Variants in CDH18 observed in about 807,000 individuals in gnomAD.
The protein encoded by CDH18 is cadherin-18.
A neutral mutation model predicts 67.9 loss-of-function variants in CDH18; 31 were observed. The observed-to-expected ratio is 0.46, with a 90% CI of 0.34 to 0.62. The LOEUF is 0.62. Ranked by LOEUF, CDH18 falls within the 20% of genes least tolerant of loss-of-function variation. CDH18 has a pLI of 0.01. For missense variants in CDH18, 890 were observed against 975.5 expected, an observed-to-expected ratio of 0.91 and a Z score of 1.17; for synonymous variants, 362 against 347.2, an observed-to-expected ratio of 1.04 and a Z score of -0.48.
intron 2 of CDH18, among the ~76,000 whole-genome samples, chr5:19,884,957 A>C (rs1222372399): frequency 2.0e-5 from 3 of 152,176 alleles, no homozygotes; most frequent in African/African-American, 7.2e-5. Context: ...TTTTCACACT[A>C]TCAAGACATT....
At chr5:20,172,133 T>G (rs1736766546) in intron 2 of CDH18, among the ~76,000 whole-genome samples, 1 of 141,660 alleles carries the variant, frequency 7.1e-6, no homozygotes, top group Non-Finnish European at 1.5e-5. Flanking sequence ...TCACATGCCT[T>G]TTCAACATAA....
intron 1 of CDH18, among the ~76,000 whole-genome samples, chr5:20,519,042 C>A (rs901994869): frequency 2.0e-5 from 3 of 152,030 alleles, no homozygotes; most frequent in South Asian, 4.1e-4. Flanking sequence ...ATGCTCAATA[C>A]CCCCAGCCTG....
chr5:20,547,390 G>A (rs984625037), intron 1 of CDH18, among the ~76,000 whole-genome samples: 9 of 151,714 alleles, frequency 5.9e-5, no homozygotes, highest in East Asian at 1.9e-4. Flanking sequence ...GTGAAACCCC[G>A]TCTCTACTAA....
rs551026279 is a variant in CDH18 at position 20,178,715 on chromosome 5, C to T, written c.-518+76729G>A. ...CAGACACTAATAATACCTTCCCCTA[C>T]GTTGTAATTTGCAGTTCTCAAAGCA... On this transcript the variant is annotated intron_variant, in intron 2 of 14. Coordinates refer to the CDH18 transcript ENST00000507958. 3.3e-5 allele frequency among the ~76,000 whole-genome samples: 5 copies of T among 151,866 alleles called. No homozygotes were observed. The South Asian group carries it at 6.2e-4, about 19-fold the overall frequency.
chr5:20,089,323 A>G (rs2150556906), intron 2 of CDH18, among the ~76,000 whole-genome samples: 1 of 152,146 alleles, frequency 6.6e-6, no homozygotes, highest in East Asian at 1.9e-4. Flanking sequence ...ACTTTCCCGT[A>G]TCTTTTTGTC....
chr5:19,631,185 G>A (rs1338825485), intron 5 of CDH18, among the ~76,000 whole-genome samples: 1 of 151,902 alleles, frequency 6.6e-6, no homozygotes, highest in African/African-American at 2.4e-5. Context: ...TAAAGAGAGA[G>A]CACCACATTT....
intron 9 of CDH18, among the ~76,000 whole-genome samples, chr5:19,540,308 G>A (rs1750054709): frequency 6.6e-6 from 1 of 152,114 alleles, no homozygotes; most frequent in African/African-American, 2.4e-5. Context: ...GCTTTGCAGG[G>A]TACAAGACCC....
At chr5:19,741,328 T>TCA (rs1491498918) in intron 4 of CDH18, among the ~76,000 whole-genome samples, 92 of 38,258 alleles carry the variant, frequency 2.4e-3, no homozygotes, top group Non-Finnish European at 4.1e-3. Context: ...TATATACATG[T>TCA]CTCACACACA....
At chr5:19,710,161 G>A (rs1764533281) in intron 5 of CDH18, among the ~76,000 whole-genome samples, 1 of 151,884 alleles carries the variant, frequency 6.6e-6, no homozygotes, top group African/African-American at 2.4e-5. Context: ...ACACTCATAA[G>A]TTAATGATTC....
chr5:20,274,189 CTTTAAA>C (rs1405074230), intron 1 of CDH18, among the ~76,000 whole-genome samples: 1 of 152,098 alleles, frequency 6.6e-6, no homozygotes, highest in Non-Finnish European at 1.5e-5. Flanking sequence ...CTTGCTGACA[CTTTAAA>C]TTTGAACTTC....
intron 7 of CDH18, among the ~76,000 whole-genome samples, chr5:19,582,201 T>C (rs1743371572): frequency 1.3e-5 from 2 of 151,976 alleles, no homozygotes; most frequent in Admixed American, 1.3e-4. Context: ...TCTATGTGTT[T>C]TGTGCATATG....
intron 2 of CDH18, among the ~76,000 whole-genome samples, chr5:20,243,671 A>T (rs1461452866): frequency 1.3e-5 from 2 of 152,186 alleles, no homozygotes; most frequent in African/African-American, 2.4e-5. Flanking sequence ...CAATTTTTTT[A>T]TTATGGTCTT....
At chr5:20,499,737 G>T (rs1754132902) in intron 1 of CDH18, among the ~76,000 whole-genome samples, 1 of 152,114 alleles carries the variant, frequency 6.6e-6, no homozygotes, top group Non-Finnish European at 1.5e-5. Flanking sequence ...AAATGCAAAG[G>T]CAGTTTGTTA....
chr5:19,795,043 G>A (rs1776720591), intron 3 of CDH18, among the ~76,000 whole-genome samples: 1 of 152,066 alleles, frequency 6.6e-6, no homozygotes, highest in Non-Finnish European at 1.5e-5. Flanking sequence ...CAACCTGACA[G>A]CAAAAGGCAG....
chr5:20,154,770 T>C (rs1260668430), intron 2 of CDH18, among the ~76,000 whole-genome samples: 2 of 152,182 alleles, frequency 1.3e-5, no homozygotes, highest in Admixed American at 6.6e-5. Context: ...ACTTCCCTTC[T>C]TTCTCGCACC....
At chr5:20,247,331 G>C (rs527527648) in intron 2 of CDH18, among the ~76,000 whole-genome samples, 1 of 152,142 alleles carries the variant, frequency 6.6e-6, no homozygotes, top group South Asian at 2.1e-4. Flanking sequence ...CTAGCCTTGG[G>C]GGAAGGCAGG....
At chr5:20,279,042 G>A (rs1403403986) in intron 1 of CDH18, among the ~76,000 whole-genome samples, 1 of 152,014 alleles carries the variant, frequency 6.6e-6, no homozygotes, top group Non-Finnish European at 1.5e-5. Flanking sequence ...GCAGGAGTAA[G>A]TCCTTCCTTA....
chr5:20,448,440 T>A (rs1434450559), intron 1 of CDH18, among the ~76,000 whole-genome samples: 1 of 152,198 alleles, frequency 6.6e-6, no homozygotes, highest in African/African-American at 2.4e-5. Flanking sequence ...GAATAAACTT[T>A]ATTTTTTCTT....
intron 2 of CDH18, among the ~76,000 whole-genome samples, chr5:20,007,715 GT>G (rs1737033737): frequency 6.9e-6 from 1 of 145,140 alleles, no homozygotes; most frequent in Non-Finnish European, 1.5e-5. Flanking sequence ...GTGTGTGTGT[GT>G]CATAAGTCAT....
Sources: gnomAD v4.1 joint callset for allele counts (sites outside exome capture counted in the v4.1 genomes callset) on GRCh38, gnomAD v4.1.1 for gene constraint, MANE v1.5 for transcripts, NCBI Gene and HGNC (gene_info 2026-07-23, HGNC 2026-07-21) for gene names.